Variants in APOBEC3F observed in about 807,000 individuals in gnomAD.
APOBEC3F encodes DNA dC->dU-editing enzyme APOBEC-3F.
In APOBEC3F, 34 loss-of-function variants were observed where a neutral mutation model predicts 45.8. The observed-to-expected ratio is 0.74, with a 90% CI of 0.57 to 0.99. The LOEUF is 0.99. Ranked by LOEUF, APOBEC3F falls within the 50% of genes least tolerant of loss-of-function variation. The pLI, the probability that APOBEC3F is intolerant of heterozygous loss-of-function variation, is 0.00. For synonymous variants in APOBEC3F, 192 were observed against 174.4 expected, an observed-to-expected ratio of 1.10 and a Z score of -0.80; for missense variants, 459 against 474.1, an observed-to-expected ratio of 0.97 and a Z score of 0.30.
At position 39,053,898 on chromosome 22, in the gene APOBEC3F, T is replaced by C. The variant is rs1927609785; in HGVS notation, c.*1203T>C. The C allele has an allele frequency of 6.6e-6, 1 of 152,226 alleles. No individual in the cohort carries two copies. The highest frequency in any genetic ancestry group is 1.5e-5 in the Non-Finnish European group (1 of 68,046). 9.4% of individuals were successfully genotyped at this position (152,226 alleles called of 1,614,324 possible). On this transcript the variant is annotated 3_prime_UTR_variant, in exon 7 of 7. Transcript: ENST00000308521. ...ATCCATAGCTTCTGCAATAAATGGCTGTAAGTCTTGGACTCCTTGCTATAA... is the reference window on the plus strand; with the variant it reads ...ATCCATAGCTTCTGCAATAAATGGCCGTAAGTCTTGGACTCCTTGCTATAA...
chr22:39,049,247 A>T (rs1190859549), intron 4 of APOBEC3F, among the ~76,000 whole-genome samples, 178 bp from the exon 5 acceptor site: 3 of 151,922 alleles, frequency 2.0e-5, no homozygotes, highest in Non-Finnish European at 4.4e-5. Flanking sequence ...CAGCTGGGAG[A>T]GGTCACCCCG....
rs529176357 is a variant in APOBEC3F, at chr22:39,042,801, G to T, written c.18-136G>T. 4 of 1,376,640 alleles carry T rather than the reference G, an allele frequency of 2.9e-6. No homozygotes were observed. The South Asian group carries it at 4.5e-5, about 15-fold the overall frequency. 85.3% of individuals were successfully genotyped at this position (1,376,640 alleles called of 1,614,324 possible). On this transcript the variant is annotated intron_variant, in intron 1 of 6. Transcript: ENST00000308521. Reference sequence around the variant, plus strand: ...CTCCCCGGTCTTCCTGCCTGGGAAGGAAGCAAAAATTCTCAGGGCTGTGGA... The same window carrying T: ...CTCCCCGGTCTTCCTGCCTGGGAAGTAAGCAAAAATTCTCAGGGCTGTGGA...
intron 5 of APOBEC3F, among the ~76,000 whole-genome samples, chr22:39,050,708 C>T (rs1186510370): frequency 2.0e-5 from 3 of 151,564 alleles, no homozygotes; most frequent in Non-Finnish European, 4.4e-5. Flanking sequence ...CACGTGCCAA[C>T]GTTTCTAATC....
At position 39,044,999 on chromosome 22, in the gene APOBEC3F, A is replaced by G. The variant is rs771769632; in HGVS notation, c.230A>G (p.Asn77Ser). The G allele has an allele frequency of 6.2e-7, 1 of 1,613,886 alleles. No individual in the cohort carries two copies. The highest frequency in any genetic ancestry group is 1.1e-5 in the South Asian group (1 of 91,056). Residue 77 changes from asparagine to serine, a missense_variant, in exon 3 of 7, where the codon AAC becomes AGC. By Grantham distance (46) the Asn-to-Ser change is conservative. Coordinates refer to ENST00000308521, the MANE Select transcript of APOBEC3F (RefSeq NM_145298.6). ...EMCFLSWFCG[N>S]QLPAYKCFQI... ...TGCTTCCTCTCTTGGTTCTGTGGCAACCAGCTGCCTGCTTACAAGTGTTTC... is the reference window on the plus strand; with the variant it reads ...TGCTTCCTCTCTTGGTTCTGTGGCAGCCAGCTGCCTGCTTACAAGTGTTTC...
chr22:39,044,430 G>A (rs1927096765), intron 2 of APOBEC3F: 2 of 1,351,646 alleles, frequency 1.5e-6, no homozygotes, highest in South Asian at 1.8e-5. Flanking sequence ...TCGAGTTCTG[G>A]CCTCTGGGAA....
Position 39,049,500 on chromosome 22 carries a change from C to T in APOBEC3F, c.642C>T (p.Asn214=), listed in dbSNP as rs776422590. Residue 214 remains asparagine, a synonymous_variant, in exon 5 of 7, where the codon AAC becomes AAT. Coordinates refer to ENST00000308521, the MANE Select transcript of APOBEC3F (RefSeq NM_145298.6). ...FKNLRKAYGR[N]ESWLCFTMEV... ...ACCTACGCAAAGCCTATGGTCGGAA[C>T]GAAAGCTGGCTGTGCTTCACCATGG... 69 of 1,613,932 alleles carry T rather than the reference C, an allele frequency of 4.3e-5. No homozygotes were observed. The highest frequency in any genetic ancestry group is 3.3e-4 in the Middle Eastern group (2 of 6,082).
At chr22:39,051,756 A>G (rs1927497313) in intron 5 of APOBEC3F, among the ~76,000 whole-genome samples, 1 of 151,968 alleles carries the variant, frequency 6.6e-6, no homozygotes, top group Admixed American at 6.6e-5. Flanking sequence ...GTTCGAGATC[A>G]GCCTGAGCAA....
At chr22:39,045,863 G>A (rs374505533) in intron 4 of APOBEC3F, among the ~76,000 whole-genome samples, 2 of 151,814 alleles carry the variant, frequency 1.3e-5, no homozygotes, top group African/African-American at 2.4e-5. Flanking sequence ...AAAACTGGAC[G>A]TAAGTGGGCA....
chr22:39,045,789 T>G (rs1181444488), intron 4 of APOBEC3F, among the ~76,000 whole-genome samples: 1 of 152,050 alleles, frequency 6.6e-6, no homozygotes, highest in Admixed American at 6.6e-5. Context: ...GAGGCCGCCC[T>G]CCCCACAGCC....
chr22:39,055,218 G>T lies in APOBEC3F; in HGVS notation c.*2523G>T, dbSNP rs564729612. ...CTCCTGAGTAGCTGGGACTACAGGC[G>T]TGTGCCACCACGCCTGGCTAATTTT... On this transcript the variant is annotated 3_prime_UTR_variant, in exon 7 of 7. Coordinates refer to ENST00000308521, the MANE Select transcript of APOBEC3F (RefSeq NM_145298.6). Among the ~76,000 whole-genome samples the T allele has an allele frequency of 6.6e-6, 1 of 151,832 alleles. No individual in the cohort carries two copies. Among genetic ancestry groups the T allele is most frequent in the African/African-American group, 2.4e-5 (1 of 41,274 alleles).
At position 39,052,741 on chromosome 22, in the gene APOBEC3F, C is replaced by T. The variant is rs753909342; in HGVS notation, c.*46C>T. 4.4e-6 allele frequency: 7 copies of T among 1,584,328 alleles called. No individual in the cohort carries two copies. The highest frequency in any genetic ancestry group is 1.2e-5 in the South Asian group (1 of 85,632). On this transcript the variant is annotated 3_prime_UTR_variant, in exon 7 of 7. Coordinates refer to ENST00000308521, the MANE Select transcript of APOBEC3F (RefSeq NM_145298.6). ...GGTCTGTCTCCTCTAGCCTCCTGCT[C>T]ATGTTGTGCAGGCCTCCCCTCCATC...
Position 39,052,244 on chromosome 22 carries a change from T to C in APOBEC3F, c.894T>C (p.Asn298=), listed in dbSNP as rs750934381. ...TCCTGGCCAGGCACAGCAACGTGAA[T>C]CTCACCATCTTCACCGCCCGCCTCT... The part of the protein sequence containing the change: ...AEFLARHSNV[N]LTIFTARLYY... The change falls in exon 6 of 7, where the codon AAT becomes AAC. Residue 298 remains asparagine, a synonymous_variant. Transcript: ENST00000308521. 31 of 1,613,992 alleles carry C rather than the reference T, an allele frequency of 1.9e-5. 1 individual carries two copies. The highest frequency in any genetic ancestry group is 3.3e-4 in the Middle Eastern group (2 of 6,082).
Position 39,049,646 on chromosome 22 carries a change from A to T in APOBEC3F, c.723+65A>T, listed in dbSNP as rs1006020442. ...AGCAGCTAGGAATGCAGAAAACACA[A>T]TAAGTGACGTGCCTGGCGTGGGCTT... On this transcript the variant is annotated intron_variant, in intron 5 of 6. Coordinates refer to ENST00000308521, the MANE Select transcript of APOBEC3F (RefSeq NM_145298.6). 7.6e-6 allele frequency: 12 copies of T among 1,570,758 alleles called. No individual in the cohort carries two copies. In the South Asian group the frequency reaches 1.3e-4, roughly 16 times the overall value.
chr22:39,052,520 C>T lies in APOBEC3F; in HGVS notation c.1004-57C>T, dbSNP rs1927546113. 1.9e-6 allele frequency: 3 copies of T among 1,581,748 alleles called. No homozygotes were observed. The African/African-American group carries it at 4.1e-5, about 21-fold the overall frequency. The stretch of plus-strand genomic sequence containing the variant: ...AGACCTGGGCTTGGAGGGGAGGGCC[C>T]AGGGCTGGGAGAGAAGCCTGCTGGG... On this transcript the variant is annotated intron_variant, in intron 6 of 6. Coordinates refer to ENST00000308521, the MANE Select transcript of APOBEC3F (RefSeq NM_145298.6).
At chr22:39,051,840 G>A (rs1430777266) in intron 5 of APOBEC3F, among the ~76,000 whole-genome samples, 1 of 152,160 alleles carries the variant, frequency 6.6e-6, no homozygotes, top group Non-Finnish European at 1.5e-5. Context: ...TGCAGTCCCA[G>A]CTAATCAGGA....
intron 2 of APOBEC3F, chr22:39,044,453 T>G (rs1927098493): frequency 8.0e-7 from 1 of 1,255,016 alleles, no homozygotes. Context: ...CCACTGTCAA[T>G]GCACCAGCAA....
At chr22:39,045,788 C>T (rs1927187982) in intron 4 of APOBEC3F, among the ~76,000 whole-genome samples, 1 of 152,206 alleles carries the variant, frequency 6.6e-6, no homozygotes, top group Non-Finnish European at 1.5e-5. Context: ...CGAGGCCGCC[C>T]TCCCCACAGC....
At position 39,045,677 on chromosome 22, in the gene APOBEC3F, A is replaced by G. The variant is rs1160643632; in HGVS notation, c.566+135A>G. On this transcript the variant is annotated intron_variant, in intron 4 of 6. Transcript: ENST00000308521. ...CCTCATGGTTACACCCCTCACCCAC[A>G]CTCCTTGTGCTCCTTCCCCTTCTTG... 48 of 1,469,846 alleles carry G rather than the reference A, an allele frequency of 3.3e-5. No homozygotes were observed. The Admixed American group carries it at 8.9e-4, about 27-fold the overall frequency. The allele number at this position is 1,469,846 out of a possible 1,614,324, so 91.1% of individuals were successfully genotyped here.
rs34733446 is a variant in APOBEC3F at position 39,047,316 on chromosome 22, T to C, written c.566+1774T>C. 6.9e-3 allele frequency among the ~76,000 whole-genome samples: 1,053 copies of C among 152,250 alleles called. 9 individuals are homozygous for C. The highest frequency in any genetic ancestry group is 0.024 in the African/African-American group (1,011 of 41,544). On this transcript the variant is annotated intron_variant, in intron 4 of 6. Coordinates refer to ENST00000308521, the MANE Select transcript of APOBEC3F (RefSeq NM_145298.6). ...CCTGAGGGCAGGATCCAGGAGTCCC[T>C]CTGGAGGTCCTCCCATCCAGGTGAG...
Sources: gnomAD v4.1 joint callset for allele counts (sites outside exome capture counted in the v4.1 genomes callset) on GRCh38, gnomAD v4.1.1 for gene constraint, MANE v1.5 for transcripts, NCBI Gene and HGNC (gene_info 2026-07-23, HGNC 2026-07-21) for gene names.